The following ITSN1 variants were observed in gnomAD, a reference collection of about 807,000 sequenced individuals.
ITSN1 encodes intersectin 1.
A neutral mutation model predicts 239.8 loss-of-function variants in ITSN1; 58 were observed. That is an observed-to-expected ratio of 0.24 (90% CI 0.20 to 0.30). ITSN1 has a LOEUF of 0.30. Among genes scored for constraint, ITSN1 ranks in the 10% least tolerant of loss-of-function variants. ITSN1 has a pLI of 1.00. For missense variants in ITSN1, 1,558 were observed against 2,103.3 expected, an observed-to-expected ratio of 0.74 and a Z score of 5.07; for synonymous variants, 780 against 770.8, an observed-to-expected ratio of 1.01 and a Z score of -0.20.
chr21:33,682,188 ATCC>A (rs1409835405), intron 1 of ITSN1, among the ~76,000 whole-genome samples: 1 of 149,864 alleles, frequency 6.7e-6, no homozygotes, highest in Non-Finnish European at 1.5e-5. Flanking sequence ...TTTGTTATAT[ATCC>A]TCCTATATAA....
chr21:33,710,948 G>C (rs2092398850), intron 1 of ITSN1, among the ~76,000 whole-genome samples: 1 of 151,946 alleles, frequency 6.6e-6, no homozygotes, highest in Non-Finnish European at 1.5e-5. Context: ...TGGGACTACA[G>C]GCGCGTGCTA....
At chr21:33,867,033 C>T (rs551722665) in intron 32 of ITSN1, among the ~76,000 whole-genome samples, 200 bp from the exon 33 acceptor site, 1 of 152,208 alleles carries the variant, frequency 6.6e-6, no homozygotes, top group South Asian at 2.1e-4. Flanking sequence ...TGAGTCACAT[C>T]TGTGGGTCTC....
intron 17 of ITSN1, among the ~76,000 whole-genome samples, chr21:33,795,649 G>A (rs2071489508): frequency 6.6e-6 from 1 of 151,956 alleles, no homozygotes; most frequent in Non-Finnish European, 1.5e-5. Context: ...TTTCTTGGGG[G>A]TCAGACTAAG....
In ITSN1 at chr21:33,798,338, G is replaced by A. The variant is rs116437079; in HGVS notation, c.2182+730G>A. Among the ~76,000 whole-genome samples, 1,060 of 151,188 alleles carry A rather than the reference G, an allele frequency of 7.0e-3. 13 individuals carry two copies. Among genetic ancestry groups the A allele is most frequent in the African/African-American group, 0.025 (1,012 of 41,160 alleles). On this transcript the variant is annotated intron_variant, in intron 18 of 39. Transcript: ENST00000381318. ...TGGTCTTGAACTCCTGGCCTCAGGC[G>A]ATCCTCCCACCTTGGCCTTTCAGAG... is the stretch of plus-strand genomic sequence containing the variant.
chr21:33,757,307 T>G lies in ITSN1; in HGVS notation c.724+1910T>G, dbSNP rs115551800. ...AAATGCAGTATCTACATTCCAAATA[T>G]AATGACCCAGGCACTTGAGCATTTA... On this transcript the variant is annotated intron_variant, in intron 8 of 39. Coordinates refer to ENST00000381318, the MANE Select transcript of ITSN1 (RefSeq NM_003024.3). 7.5e-3 allele frequency among the ~76,000 whole-genome samples: 1,137 copies of G among 151,328 alleles called. 9 individuals carry two copies. The highest frequency in any genetic ancestry group is 0.026 in the African/African-American group (1,076 of 41,464).
At position 33,829,705 on chromosome 21, in the gene ITSN1, G is replaced by T. The variant is rs535264292; in HGVS notation, c.3311G>T (p.Arg1104Leu). 2.5e-6 allele frequency: 4 copies of T among 1,613,094 alleles called. No individual in the cohort carries two copies. The African/African-American group carries it at 5.3e-5, about 22-fold the overall frequency. ...TLAPGQLILI[R>L]KKNPGGWWEG... The stretch of plus-strand genomic sequence containing the variant: ...GCCCCTGGTCAGCTGATTTTGATCC[G>T]AAAAAAGAACCCAGGTGGATGGTGG... Residue 1104 changes from arginine (R) to leucine (L), a missense_variant, in exon 27 of 40, where the codon CGA (arginine) becomes CTA (leucine). Arg to Leu is a moderately radical substitution (Grantham distance 102). Transcript: ENST00000381318.
At chr21:33,742,058 CTTT>C (rs758936755) in intron 5 of ITSN1, among the ~76,000 whole-genome samples, 4 of 138,876 alleles carry the variant, frequency 2.9e-5, no homozygotes. Context: ...TTTTTAAAAT[CTTT>C]TTTTTTTTTT....
intron 1 of ITSN1, among the ~76,000 whole-genome samples, chr21:33,664,049 G>A (rs2089755439): frequency 6.6e-6 from 1 of 152,220 alleles, no homozygotes; most frequent in Admixed American, 6.5e-5. Flanking sequence ...TTGAGAGGCA[G>A]GCAGCATAGC....
chr21:33,762,397 G>T (rs2068408375), intron 9 of ITSN1, among the ~76,000 whole-genome samples: 1 of 151,734 alleles, frequency 6.6e-6, no homozygotes, highest in Admixed American at 6.6e-5. Flanking sequence ...CTCCTGAGTA[G>T]CTGGGATTAT....
intron 1 of ITSN1, among the ~76,000 whole-genome samples, chr21:33,658,191 T>G (rs1252817913): frequency 2.0e-5 from 3 of 152,160 alleles, no homozygotes; most frequent in Non-Finnish European, 4.4e-5. Context: ...TTACTATTCA[T>G]TAAGTGGAAG....
Position 33,836,619 on chromosome 21 carries a change from C to T in ITSN1, c.3648C>T (p.Asp1216=), listed in dbSNP as rs372826392. ...ATGTGAAGCTGACCACAGACATGGA[C>T]CCAAGCCAGCAATGTAAGTGCCCTG... The part of the protein sequence containing the change: ...SNYVKLTTDM[D]PSQQWCSDLH... The change falls in exon 29 of 40, where the codon GAC becomes GAT. Residue 1216 remains aspartate, a synonymous_variant. Coordinates refer to ENST00000381318, the MANE Select transcript of ITSN1 (RefSeq NM_003024.3). The T allele has an allele frequency of 6.2e-7, 1 of 1,613,358 alleles. No individual in the cohort carries two copies. The highest frequency in any genetic ancestry group is 1.3e-5 in the African/African-American group (1 of 74,904).
At chr21:33,730,372 A>ATAAATGC (rs997174843) in intron 4 of ITSN1, among the ~76,000 whole-genome samples, 12 of 145,324 alleles carry the variant, frequency 8.3e-5, no homozygotes, top group Admixed American at 6.2e-4. Flanking sequence ...GTAACCTGCT[A>ATAAATGC]TAAATGCTCT....
intron 1 of ITSN1, among the ~76,000 whole-genome samples, chr21:33,700,207 C>G (rs945782892): frequency 6.6e-6 from 1 of 152,026 alleles, no homozygotes; most frequent in Non-Finnish European, 1.5e-5. Context: ...GCCTCAGCCT[C>G]CCGAGTAGCT....
chr21:33,719,052 C>A (rs1357435560), intron 2 of ITSN1, among the ~76,000 whole-genome samples, 196 bp downstream of exon 2: 1 of 152,186 alleles, frequency 6.6e-6, no homozygotes, highest in East Asian at 1.9e-4. Flanking sequence ...AACTCCCAGG[C>A]ATCATTTCAT....
At chr21:33,693,104 T>C (rs1175256487) in intron 1 of ITSN1, among the ~76,000 whole-genome samples, 2 of 152,086 alleles carry the variant, frequency 1.3e-5, no homozygotes, top group Non-Finnish European at 2.9e-5. Flanking sequence ...CCCAGTAAAA[T>C]CTATTTCTAT....
At chr21:33,819,057 C>A (rs999739727) in intron 23 of ITSN1, among the ~76,000 whole-genome samples, 184 bp from the exon 24 acceptor site, 1 of 149,730 alleles carries the variant, frequency 6.7e-6, no homozygotes, top group African/African-American at 2.4e-5. Context: ...AATAAGAATG[C>A]GAGCTTAGAG....
chr21:33,790,815 A>T (rs2071068865), intron 16 of ITSN1, among the ~76,000 whole-genome samples: 1 of 152,136 alleles, frequency 6.6e-6, no homozygotes, highest in African/African-American at 2.4e-5. Flanking sequence ...TAATTTGCTC[A>T]TTTCCTAGAT....
intron 1 of ITSN1, among the ~76,000 whole-genome samples, chr21:33,677,314 T>C (rs115791109): frequency 0.016 from 2,426 of 151,876 alleles, 67 homozygotes; most frequent in African/African-American, 0.056. Context: ...AATAAGCTGT[T>C]CAAAATTAAC....
At chr21:33,684,094 C>T (rs2091114620) in intron 1 of ITSN1, among the ~76,000 whole-genome samples, 1 of 152,126 alleles carries the variant, frequency 6.6e-6, no homozygotes, top group African/African-American at 2.4e-5. Context: ...TTTTATTTTT[C>T]CTGTTCCATT....
Sources: allele counts gnomAD v4.1 joint callset (sites outside exome capture counted in the v4.1 genomes callset), GRCh38; gene constraint gnomAD v4.1.1; transcripts MANE v1.5; gene names NCBI Gene and HGNC (gene_info 2026-07-23, HGNC 2026-07-21).